C12orf56: variants seen among roughly 807,000 people sequenced by gnomAD.
The protein encoded by C12orf56 is chromosome 12 open reading frame 56, also known as uncharacterized protein C12orf56.
A neutral mutation model predicts 69.9 loss-of-function variants in C12orf56; 71 were observed. The ratio of observed to expected loss-of-function variants is 1.02; its 90% CI spans 0.84 to 1.24. The LOEUF is 1.24. C12orf56 is among the 50% of genes most tolerant of loss of function. The pLI, the probability that C12orf56 is intolerant of heterozygous loss-of-function variation, is 0.00. For synonymous variants in C12orf56, 276 were observed against 274.1 expected (o/e 1.01, Z -0.07); for missense variants, 732 against 738.5 (o/e 0.99, Z 0.10).
chr12:64,377,741 A>G (rs2039660511), intron 1 of C12orf56, among the ~76,000 whole-genome samples: 1 of 152,166 alleles, frequency 6.6e-6, no homozygotes, highest in Non-Finnish European at 1.5e-5. Flanking sequence ...AGTTCAATTC[A>G]CCATAAGTAT....
Position 64,265,392 on chromosome 12 carries a change from G to A in C12orf56, c.*1791C>T, listed in dbSNP as rs992946397. 4.7e-4 allele frequency: 71 copies of A among 152,384 alleles called. 1 individual carries two copies. Among genetic ancestry groups the A allele is most frequent in the African/African-American group, 1.7e-3 (70 of 41,564 alleles). 9.4% of individuals were successfully genotyped at this position (152,384 alleles called of 1,614,324 possible). On this transcript the variant is annotated 3_prime_UTR_variant, in exon 13 of 13. Transcript: ENST00000543942. ...CTGAAAGGGAAACTTTGGGTAAAAAGAAAGGAGGATTACTTGAAGTTAGTG... is the reference window on the plus strand; with the variant it reads ...CTGAAAGGGAAACTTTGGGTAAAAAAAAAGGAGGATTACTTGAAGTTAGTG...
intron 6 of C12orf56, among the ~76,000 whole-genome samples, chr12:64,298,677 G>T (rs912922632): frequency 6.6e-6 from 1 of 152,186 alleles, no homozygotes; most frequent in African/African-American, 2.4e-5. Context: ...GTTTGTCAAA[G>T]ATCAGATGGT....
At chr12:64,267,657 C>G (rs1162975) in intron 12 of C12orf56, 93,938 of 190,272 alleles carry the variant, frequency 0.49, 23,625 homozygotes, top group Middle Eastern at 0.57. Context: ...AAGAGTAGAA[C>G]TCATCCCCCA....
intron 3 of C12orf56, among the ~76,000 whole-genome samples, chr12:64,329,921 T>C (rs1336112081): frequency 6.6e-6 from 1 of 151,956 alleles, no homozygotes; most frequent in Non-Finnish European, 1.5e-5. Flanking sequence ...TAATCCAGTC[T>C]ATCATTGTTG....
intron 3 of C12orf56, among the ~76,000 whole-genome samples, chr12:64,326,065 T>C (rs1247895676): frequency 6.6e-6 from 1 of 151,942 alleles, no homozygotes; most frequent in East Asian, 1.9e-4. Flanking sequence ...CAACCAAAAA[T>C]TGGACAAAAT....
intron 2 of C12orf56, among the ~76,000 whole-genome samples, chr12:64,345,170 G>A (rs756863608): frequency 1.7e-4 from 26 of 152,210 alleles, no homozygotes; most frequent in East Asian, 5.8e-4. Context: ...AGGGGCCTAC[G>A]GGGACTTTAG....
At chr12:64,312,349 G>T (rs1161790721) in intron 5 of C12orf56, among the ~76,000 whole-genome samples, 1 of 152,014 alleles carries the variant, frequency 6.6e-6, no homozygotes, top group Non-Finnish European at 1.5e-5. Context: ...GCTCGCACAT[G>T]CAATCCCAGC....
At chr12:64,380,435 C>T (rs890792880) in intron 1 of C12orf56, among the ~76,000 whole-genome samples, 1 of 152,030 alleles carries the variant, frequency 6.6e-6, no homozygotes, top group Non-Finnish European at 1.5e-5. Context: ...AGTTATTGAC[C>T]GTCTACTAAG....
At chr12:64,275,024 G>A (rs779788087) in intron 10 of C12orf56, 49 bp from the exon 11 acceptor site, 1 of 1,443,956 alleles carries the variant, frequency 6.9e-7, no homozygotes, top group Non-Finnish European at 9.7e-7. Flanking sequence ...AGTTCAAGTA[G>A]TATATAAAAG....
In C12orf56 at chr12:64,332,648, G is replaced by A. The variant is rs535378295; in HGVS notation, c.416-1616C>T. 5.5e-4 allele frequency among the ~76,000 whole-genome samples: 83 copies of A among 152,198 alleles called. 2 individuals carry two copies. In the South Asian group the frequency reaches 9.5e-3, roughly 18 times the overall value. The stretch of plus-strand genomic sequence containing the variant: ...GGGCTCTCCAAATTGTATGAGTTTC[G>A]GTCCCCATAAAACCTAGATCCGCTC... On this transcript the variant is annotated intron_variant, in intron 2 of 12. Transcript: ENST00000543942.
intron 1 of C12orf56, chr12:64,389,097 C>G (rs1333637748): frequency 6.6e-6 from 1 of 152,168 alleles, no homozygotes; most frequent in East Asian, 1.9e-4. Flanking sequence ...GCCAACCTCT[C>G]CCTTGGGGCT....
At chr12:64,321,329 AC>A (rs1255405720) in intron 3 of C12orf56, among the ~76,000 whole-genome samples, 1 of 152,154 alleles carries the variant, frequency 6.6e-6, no homozygotes, top group Non-Finnish European at 1.5e-5. Flanking sequence ...TAGAACCTCC[AC>A]GATAGTGGAA....
At chr12:64,309,985 C>T (rs1176611922) in intron 5 of C12orf56, among the ~76,000 whole-genome samples, 1 of 150,456 alleles carries the variant, frequency 6.6e-6, no homozygotes, top group African/African-American at 2.4e-5. Context: ...AACATGATCC[C>T]TCCATTTTAA....
rs767609511 is a variant in C12orf56 at position 64,303,710 on chromosome 12, C to T, written c.1038G>A (p.Arg346=). The change falls in exon 6 of 13, where the codon AGG becomes AGA. Residue 346 remains arginine, a synonymous_variant. Transcript: ENST00000543942. ...GTTCCATAAGTAAAGAAAGTATCCT[C>T]CTCAAAGAATTGTCTTTAAGAAAAA... The part of the protein sequence containing the change: ...SELFLKDNSL[R]RILSLLMELK... The T allele has an allele frequency of 1.3e-6, 2 of 1,580,620 alleles. No individual in the cohort carries two copies. Among genetic ancestry groups the T allele is most frequent in the Admixed American group, 3.7e-5 (2 of 54,788 alleles).
At chr12:64,268,579 T>C (rs2136737924) in intron 12 of C12orf56, among the ~76,000 whole-genome samples, 1 of 152,326 alleles carries the variant, frequency 6.6e-6, no homozygotes, top group Admixed American at 6.5e-5. Flanking sequence ...GATTGCTTAA[T>C]GGATACTGAG....
At chr12:64,381,554 T>C (rs2039719739) in intron 1 of C12orf56, among the ~76,000 whole-genome samples, 1 of 152,236 alleles carries the variant, frequency 6.6e-6, no homozygotes, top group Admixed American at 6.5e-5. Flanking sequence ...CAAAAGTTAG[T>C]TCAGCCTATG....
At chr12:64,324,291 C>A (rs2038810062) in intron 3 of C12orf56, among the ~76,000 whole-genome samples, 1 of 152,194 alleles carries the variant, frequency 6.6e-6, no homozygotes, top group South Asian at 2.1e-4. Context: ...ATGGAGCTTG[C>A]ATTCTAGTGG....
chr12:64,328,490 C>T (rs1200162634), intron 3 of C12orf56, among the ~76,000 whole-genome samples: 1 of 151,408 alleles, frequency 6.6e-6, no homozygotes, highest in Non-Finnish European at 1.5e-5. Flanking sequence ...ACCTGCCTGG[C>T]CAACATGGTG....
intron 1 of C12orf56, among the ~76,000 whole-genome samples, chr12:64,372,975 C>G (rs1335629393): frequency 6.6e-6 from 1 of 152,152 alleles, no homozygotes; most frequent in Non-Finnish European, 1.5e-5. Flanking sequence ...GAAACTTTAC[C>G]TGCGTCATGC....
Sources: allele counts gnomAD v4.1 joint callset (sites outside exome capture counted in the v4.1 genomes callset), GRCh38; gene constraint gnomAD v4.1.1; transcripts MANE v1.5; gene names NCBI Gene and HGNC (gene_info 2026-07-23, HGNC 2026-07-21).